The following QTMAN variants were observed in gnomAD, a reference collection of about 807,000 sequenced individuals.
QTMAN encodes the protein tRNA-queuosine alpha-mannosyltransferase.
chr2:144,043,227 TTGTGTGTGTG>T, the QTMAN span, among the ~76,000 whole-genome samples: 1 of 148,598 alleles, frequency 6.7e-6, no homozygotes, highest in Non-Finnish European at 1.5e-5. Flanking sequence ...ATGTGTGAAT[TTGTGTGTGTG>T]TGTGTGTGTG....
chr2:144,255,178 G>A, the QTMAN span, among the ~76,000 whole-genome samples: 1 of 152,048 alleles, frequency 6.6e-6, no homozygotes, highest in Non-Finnish European at 1.5e-5. Context: ...ATTTGGGAGG[G>A]GCCAGGGGCA....
the QTMAN span, among the ~76,000 whole-genome samples, chr2:144,332,830 G>A: frequency 1.3e-5 from 2 of 152,046 alleles, no homozygotes; most frequent in African/African-American, 2.4e-5. Flanking sequence ...CAGCTTTTTC[G>A]TACTCTTTCC....
the QTMAN span, among the ~76,000 whole-genome samples, chr2:144,241,471 C>A: frequency 3.3e-5 from 5 of 152,176 alleles, no homozygotes; most frequent in Non-Finnish European, 7.3e-5. Flanking sequence ...TATAATTTAA[C>A]CCTTACAGGT....
At chr2:144,172,377 T>C in the QTMAN span, among the ~76,000 whole-genome samples, 1 of 151,978 alleles carries the variant, frequency 6.6e-6, no homozygotes, top group Non-Finnish European at 1.5e-5. Flanking sequence ...TCTCAACACT[T>C]TGGGAGGCTG....
chr2:143,988,534 A>T, the QTMAN span, among the ~76,000 whole-genome samples: 1 of 152,260 alleles, frequency 6.6e-6, no homozygotes, highest in Non-Finnish European at 1.5e-5. Context: ...ATGAATCAGG[A>T]ACTGCTCTAA....
chr2:144,255,326 TAGTG>T, the QTMAN span, among the ~76,000 whole-genome samples: 1 of 152,162 alleles, frequency 6.6e-6, no homozygotes, highest in African/African-American at 2.4e-5. Flanking sequence ...GTTCTTATGA[TAGTG>T]AGTGAGTTCT....
At chr2:143,976,955 G>A in the QTMAN span, among the ~76,000 whole-genome samples, 528 of 152,276 alleles carry the variant, frequency 3.5e-3, 2 homozygotes, top group African/African-American at 0.011. Flanking sequence ...AGTAAGACCA[G>A]CAGATACATT....
chr2:144,228,426 T>C, the QTMAN span, among the ~76,000 whole-genome samples: 2 of 152,336 alleles, frequency 1.3e-5, no homozygotes, highest in Admixed American at 1.3e-4. Flanking sequence ...GCATAGTTAT[T>C]ACAAGATTTT....
At chr2:144,236,865 T>C in the QTMAN span, among the ~76,000 whole-genome samples, 3 of 151,524 alleles carry the variant, frequency 2.0e-5, no homozygotes, top group Non-Finnish European at 4.4e-5. Context: ...ACAGAGAACA[T>C]CCTGAACTGA....
chr2:144,249,398 A>G, the QTMAN span, among the ~76,000 whole-genome samples: 1 of 152,214 alleles, frequency 6.6e-6, no homozygotes, highest in African/African-American at 2.4e-5. Flanking sequence ...TAGACCATGC[A>G]TGTGTAAGAG....
At chr2:143,947,238 G>T in the QTMAN span, 6 of 792,164 alleles carry the variant, frequency 7.6e-6, no homozygotes. Context: ...CATCACTTAC[G>T]TCAATTACAT....
chr2:144,037,017 G>A, the QTMAN span, among the ~76,000 whole-genome samples: 3 of 152,244 alleles, frequency 2.0e-5, no homozygotes, highest in South Asian at 4.1e-4. Flanking sequence ...GAAACAAGAT[G>A]CAAACAGTCA....
At chr2:144,216,022 C>T in the QTMAN span, among the ~76,000 whole-genome samples, 1 of 152,154 alleles carries the variant, frequency 6.6e-6, no homozygotes, top group Admixed American at 6.6e-5. Context: ...CCACATTTGG[C>T]CTTCTCCCAC....
chr2:144,332,558 C>T, the QTMAN span: 1 of 148,590 alleles, frequency 6.7e-6, no homozygotes, highest in African/African-American at 2.4e-5. Context: ...CCTCCCGGCC[C>T]GCGGCCGCCT....
chr2:144,207,617 A>G, the QTMAN span, among the ~76,000 whole-genome samples: 1 of 152,148 alleles, frequency 6.6e-6, no homozygotes, highest in African/African-American at 2.4e-5. Context: ...TTAAAGTTTT[A>G]TATCATTTGT....
chr2:144,108,258 A>G, the QTMAN span, among the ~76,000 whole-genome samples: 3 of 152,208 alleles, frequency 2.0e-5, no homozygotes, highest in African/African-American at 7.2e-5. Flanking sequence ...TGGCCAGGGC[A>G]ATCAGGCAGG....
At chr2:144,070,201 C>A in the QTMAN span, among the ~76,000 whole-genome samples, 7 of 152,022 alleles carry the variant, frequency 4.6e-5, no homozygotes, top group African/African-American at 1.7e-4. Flanking sequence ...TATATTTTTC[C>A]TTTAACTGTT....
the QTMAN span, among the ~76,000 whole-genome samples, chr2:144,296,357 G>A: frequency 3.9e-5 from 6 of 152,060 alleles, no homozygotes; most frequent in Non-Finnish European, 7.4e-5. Context: ...CCAAAAGAAA[G>A]GCAAAAATTT....
the QTMAN span, among the ~76,000 whole-genome samples, chr2:144,103,439 T>C: frequency 1.3e-5 from 2 of 152,170 alleles, no homozygotes; most frequent in East Asian, 1.9e-4. Flanking sequence ...TACCTTCTAA[T>C]AGAACATCTG....
Sources: gnomAD v4.1 joint callset for allele counts (sites outside exome capture counted in the v4.1 genomes callset) on GRCh38, gnomAD v4.1.1 for gene constraint, MANE v1.5 for transcripts, NCBI Gene and HGNC (gene_info 2026-07-23, HGNC 2026-07-21) for gene names.